MRPS9: variants seen among roughly 807,000 people sequenced by gnomAD.
The protein encoded by MRPS9 is mitochondrial ribosomal protein S9.
Under a neutral mutation model 59.9 loss-of-function variants are expected in MRPS9, and 45 were observed. That is an observed-to-expected ratio of 0.75 (90% CI 0.59 to 0.96). The LOEUF (loss-of-function observed/expected upper bound fraction) is 0.96. Ranked by LOEUF, MRPS9 falls within the 40% of genes least tolerant of loss-of-function variation. The pLI is 0.00. For synonymous variants in MRPS9, 171 were observed against 166.8 expected (o/e 1.03, Z -0.19); for missense variants, 473 against 481.1 (o/e 0.98, Z 0.16).
In MRPS9 at chr2:105,088,992, T is replaced by C. The variant is rs1442256104; in HGVS notation, c.498T>C (p.Tyr166=). Residue 166 remains tyrosine, a synonymous_variant, in exon 6 of 11, where the codon TAT becomes TAC. Transcript: ENST00000258455. The part of the protein sequence containing the change: ...QSYYSLMHDV[Y]GMLLNLEKHQ... ...TATTTTGTTTGCCATAGGATGTATA[T>C]GGAATGTTACTCAATTTAGAAAAAC... 6.2e-7 allele frequency: 1 copy of C among 1,609,578 alleles called. No individual in the cohort carries two copies. The highest frequency in any genetic ancestry group is 1.7e-5 in the Admixed American group (1 of 59,750).
At chr2:105,091,615 C>T (rs1023898431) in intron 7 of MRPS9, among the ~76,000 whole-genome samples, 6 of 152,072 alleles carry the variant, frequency 3.9e-5, no homozygotes, top group African/African-American at 1.2e-4. Flanking sequence ...TGATGTTTAA[C>T]GCCGACAAAA....
intron 1 of MRPS9, among the ~76,000 whole-genome samples, chr2:105,045,467 C>CT (rs1679575682): frequency 6.6e-6 from 1 of 151,102 alleles, no homozygotes; most frequent in South Asian, 2.1e-4. Context: ...GTATTCTCAT[C>CT]TACTAAAATC....
intron 2 of MRPS9, among the ~76,000 whole-genome samples, chr2:105,050,568 A>G (rs1679693693): frequency 6.6e-6 from 1 of 152,228 alleles, no homozygotes; most frequent in Non-Finnish European, 1.5e-5. Flanking sequence ...AAGAGATGCT[A>G]TTCTTCAGTT....
chr2:105,095,309 C>G (rs532249351), intron 9 of MRPS9, among the ~76,000 whole-genome samples: 5 of 152,174 alleles, frequency 3.3e-5, no homozygotes, highest in African/African-American at 9.6e-5. Context: ...TAAACACTTT[C>G]CTGGCTTAAT....
intron 2 of MRPS9, 107 bp from the exon 3 acceptor site, chr2:105,071,206 C>A: frequency 2.5e-6 from 2 of 809,076 alleles, no homozygotes; most frequent in Non-Finnish European, 2.0e-6. Flanking sequence ...TAAGATAATG[C>A]TTTGAAACTC....
intron 2 of MRPS9, among the ~76,000 whole-genome samples, chr2:105,069,214 C>CTTTT (rs11334093): frequency 1.7e-5 from 2 of 117,704 alleles, no homozygotes; most frequent in Non-Finnish European, 1.8e-5. Context: ...ATTGGTCAAT[C>CTTTT]TTTTTTTTTT....
chr2:105,065,692 A>G (rs370374512), intron 2 of MRPS9, among the ~76,000 whole-genome samples: 2 of 152,174 alleles, frequency 1.3e-5, no homozygotes, highest in Non-Finnish European at 1.5e-5. Flanking sequence ...GAACTCTGCA[A>G]TGTTTAGTGG....
chr2:105,060,535 C>T (rs1364801465), intron 2 of MRPS9, among the ~76,000 whole-genome samples: 1 of 152,102 alleles, frequency 6.6e-6, no homozygotes, highest in Admixed American at 6.5e-5. Flanking sequence ...CCCACCTTGG[C>T]CTCCCAAAGT....
At chr2:105,060,722 G>C (rs1434118894) in intron 2 of MRPS9, among the ~76,000 whole-genome samples, 3 of 152,170 alleles carry the variant, frequency 2.0e-5, no homozygotes, top group Admixed American at 2.0e-4. Context: ...CATTTGCAAT[G>C]AGAACTTGGG....
intron 5 of MRPS9, among the ~76,000 whole-genome samples, chr2:105,081,227 C>T (rs892369876): frequency 6.6e-6 from 1 of 152,206 alleles, no homozygotes; most frequent in Non-Finnish European, 1.5e-5. Context: ...ATGGTGCAGA[C>T]GCAAATTTTC....
chr2:105,099,400 CA>C (rs1573453803), intron 10 of MRPS9: 1 of 279,758 alleles, frequency 3.6e-6, no homozygotes, highest in Non-Finnish European at 6.8e-6. Flanking sequence ...GCTTAAAAAC[CA>C]AAAGGGAGCC....
At chr2:105,052,745 G>C (rs1050194426) in intron 2 of MRPS9, among the ~76,000 whole-genome samples, 1 of 152,070 alleles carries the variant, frequency 6.6e-6, no homozygotes, top group African/African-American at 2.4e-5. Context: ...ATCTGGGCCT[G>C]GGCTTTTCTT....
Position 105,071,492 on chromosome 2 carries a change from A to G in MRPS9, c.409+3A>G. ...ACAGATTTTTCCAAGACAAAGAGGT[A>G]AGTTTGTTCAAGAATGAGAGAAACA... On this transcript the variant is annotated splice_donor_region_variant and intron_variant, in intron 4 of 10. Coordinates refer to ENST00000258455, the MANE Select transcript of MRPS9 (RefSeq NM_182640.3). 6.2e-7 allele frequency: 1 copy of G among 1,602,906 alleles called. No individual in the cohort carries two copies. Among genetic ancestry groups the G allele is most frequent in the Non-Finnish European group, 8.5e-7 (1 of 1,173,070 alleles).
Position 105,092,478 on chromosome 2 carries a change from G to C in MRPS9, c.729G>C (p.Arg243Ser), listed in dbSNP as rs781462761. 4.3e-6 allele frequency: 7 copies of C among 1,613,790 alleles called. No individual in the cohort carries two copies. The African/African-American group carries it at 8.0e-5, about 18-fold the overall frequency. Residue 243 changes from arginine (R) to serine (S), a missense_variant, in exon 8 of 11, where the codon AGG (arginine) becomes AGC (serine). Transcript: ENST00000258455. ...CTGCTGAGGAAGAATTTGTGCAGAG[G>C]TTTCGAAGAAGTGTAACTCTTGAAT... ...CGAAEEEFVQRFRRSVTLESK... is the reference protein window; with the variant it reads ...CGAAEEEFVQSFRRSVTLESK...
intron 2 of MRPS9, among the ~76,000 whole-genome samples, chr2:105,065,640 A>C (rs1679985630): frequency 1.3e-5 from 2 of 152,172 alleles, no homozygotes; most frequent in African/African-American, 4.8e-5. Context: ...GTTATTATTT[A>C]CACTTTCACC....
chr2:105,061,665 A>T (rs1338381818), intron 2 of MRPS9, among the ~76,000 whole-genome samples: 2 of 152,102 alleles, frequency 1.3e-5, no homozygotes, highest in African/African-American at 4.8e-5. Flanking sequence ...TATAATGGTG[A>T]TGGGGAAGAG....
chr2:105,078,373 A>T (rs991243642), intron 4 of MRPS9, among the ~76,000 whole-genome samples: 8 of 150,986 alleles, frequency 5.3e-5, no homozygotes, highest in Admixed American at 2.0e-4. Flanking sequence ...AATCAATCCC[A>T]TGATATGAGA....
At chr2:105,075,583 A>C (rs922353280) in intron 4 of MRPS9, among the ~76,000 whole-genome samples, 1 of 152,232 alleles carries the variant, frequency 6.6e-6, no homozygotes, top group African/African-American at 2.4e-5. Context: ...AGAGGGTCAC[A>C]CAATTATCAA....
chr2:105,086,660 C>T (rs935017409), intron 5 of MRPS9, among the ~76,000 whole-genome samples: 1 of 152,156 alleles, frequency 6.6e-6, no homozygotes, highest in African/African-American at 2.4e-5. Flanking sequence ...ATATATTCTT[C>T]GCTAGTTTGA....
Sources: allele counts gnomAD v4.1 joint callset (sites outside exome capture counted in the v4.1 genomes callset), GRCh38; gene constraint gnomAD v4.1.1; transcripts MANE v1.5; gene names NCBI Gene and HGNC (gene_info 2026-07-23, HGNC 2026-07-21).